RNF215: variants seen among roughly 807,000 people sequenced by gnomAD.
The protein encoded by RNF215 is ring finger protein 215.
RNF215 carries 41 observed loss-of-function variants against 44.8 expected under a neutral mutation model. That is an observed-to-expected ratio of 0.92 (90% CI 0.71 to 1.19). The LOEUF is 1.19. RNF215 is among the 50% of genes most tolerant of loss of function. RNF215 has a pLI of 0.00. For synonymous variants in RNF215, 218 were observed against 230.1 expected, an observed-to-expected ratio of 0.95 and a Z score of 0.48; for missense variants, 452 against 496.2, an observed-to-expected ratio of 0.91 and a Z score of 0.85.
rs748603346 is a variant in RNF215, at chr22:30,380,013, G to C, written c.1008+49C>G. The C allele has an allele frequency of 3.7e-6, 6 of 1,607,706 alleles. No individual in the cohort carries two copies. The Admixed American group carries it at 1.0e-4, about 27-fold the overall frequency. ...GTTCCAAGGTCCCAGGAGTAAGGTG[G>C]GAGGCATCACAGGTGAGCTGATGGC... is the stretch of plus-strand genomic sequence containing the variant. On this transcript the variant is annotated intron_variant, in intron 7 of 8. Coordinates refer to ENST00000382363, the MANE Select transcript of RNF215 (RefSeq NM_001017981.2). This position sits in a 1 kb window ranked among gnomAD's most constrained non-coding sequence, Gnocchi z 5.3.
At position 30,379,197 on chromosome 22, in the gene RNF215, C is replaced by G; in HGVS notation, c.*403G>C. On this transcript the variant is annotated 3_prime_UTR_variant, in exon 9 of 9. Coordinates refer to ENST00000382363, the MANE Select transcript of RNF215 (RefSeq NM_001017981.2). ...CAACCCACCCCCCAATAAATAAGCA[C>G]AAAACCTGGCCACTGTAGTCTCAGC... 4.4e-6 allele frequency: 1 copy of G among 227,288 alleles called. No homozygotes were observed. Among genetic ancestry groups the G allele is most frequent in the Non-Finnish European group, 8.8e-6 (1 of 113,024 alleles). 14.1% of individuals were successfully genotyped at this position (227,288 alleles called of 1,614,324 possible).
intron 4 of RNF215, 45 bp downstream of exon 4, chr22:30,385,858 TC>T (rs757898759): frequency 3.2e-6 from 5 of 1,566,674 alleles, no homozygotes; most frequent in Non-Finnish European, 4.4e-6. Flanking sequence ...AACCAGGGGC[TC>T]TCTGTACCCA....
At position 30,379,786 on chromosome 22, in the gene RNF215, C is replaced by T. The variant is rs1283407127; in HGVS notation, c.1036G>A (p.Glu346Lys). ...QWLRVLPCKH[E>K]FHRDCVDPWL... ...GGGTCCACACAGTCTCGGTGAAACT[C>T]GTGCTTACAGGGCAGCACCCGGAGC... Residue 346 changes from glutamate (E) to lysine (K), a missense_variant, in exon 8 of 9, where the codon GAG becomes AAG. Glu to Lys is a moderately conservative substitution (Grantham distance 56). Transcript: ENST00000382363. The T allele has an allele frequency of 1.9e-6, 3 of 1,570,242 alleles. No individual in the cohort carries two copies. Among genetic ancestry groups the T allele is most frequent in the Non-Finnish European group, 2.6e-6 (3 of 1,158,928 alleles).
chr22:30,386,117 C>A lies in RNF215; in HGVS notation c.454G>T (p.Ala152Ser). ...AGGATGAGAAGAAGCAGGGCAGAGG[C>A]ACCCAGGAAGAGGGCCCGCCGCATC... ...QQMRRALFLG[A>S]SALLLLILNH... The change falls in exon 3 of 9, where the codon GCC (alanine) becomes TCC (serine). Residue 152 changes from alanine to serine, a missense_variant. By Grantham distance (99) the Ala-to-Ser change is moderately conservative. Coordinates refer to ENST00000382363, the MANE Select transcript of RNF215 (RefSeq NM_001017981.2). 1 of 1,596,604 alleles carries A rather than the reference C, an allele frequency of 6.3e-7. No homozygotes were observed. Among genetic ancestry groups the A allele is most frequent in the Non-Finnish European group, 8.5e-7 (1 of 1,171,774 alleles).
chr22:30,384,555 C>T (rs1933570480), intron 4 of RNF215, 60 bp from the exon 5 acceptor site: 1 of 1,485,988 alleles, frequency 6.7e-7, no homozygotes, highest in Non-Finnish European at 9.3e-7. Flanking sequence ...GGCCCAGACC[C>T]ACCCACCCCA....
rs1398288459 is a variant in RNF215 at position 30,380,145 on chromosome 22, G to A, written c.925C>T (p.Arg309Trp). 1.1e-5 allele frequency: 17 copies of A among 1,613,866 alleles called. No homozygotes were observed. Among genetic ancestry groups the A allele is most frequent in the Non-Finnish European group, 1.4e-5 (16 of 1,179,972 alleles). ...AGGCCCTGCGCTGCCCTGCTCAGCC[G>A]GCAGCGCCGTGTCTTGAGGGATGCC... ...RLASLKTRRC[R>W]LSRAAQGLPD... Residue 309 changes from arginine to tryptophan, a missense_variant, in exon 7 of 9, where the codon CGG becomes TGG. Arg to Trp is a moderately radical substitution (Grantham distance 101). Transcript: ENST00000382363. This position sits in a 1 kb window ranked among gnomAD's most constrained non-coding sequence, Gnocchi z 5.3.
rs1277601222 is a variant in RNF215 at position 30,379,587 on chromosome 22, T to C, written c.*13A>G. On this transcript the variant is annotated 3_prime_UTR_variant, in exon 9 of 9. Transcript: ENST00000382363. ...GAAGGGTCCATCCCCATGTGCAGAG[T>C]CCAGCTGGGCAGCTAATCATCGGAG... 8 of 1,549,940 alleles carry C rather than the reference T, an allele frequency of 5.2e-6. No individual in the cohort carries two copies. The highest frequency in any genetic ancestry group is 7.0e-6 in the Non-Finnish European group (8 of 1,146,960).
intron 1 of RNF215, 36 bp from the exon 2 acceptor site, chr22:30,386,795 G>C: frequency 6.3e-7 from 1 of 1,586,620 alleles, no homozygotes; most frequent in Non-Finnish European, 8.5e-7. Context: ...AGGGAGGTAG[G>C]GTGTGGTGGG....
chr22:30,385,862 T>A, intron 4 of RNF215, 42 bp downstream of exon 4: 3 of 1,583,260 alleles, frequency 1.9e-6, no homozygotes, highest in Non-Finnish European at 2.6e-6. Context: ...AGGGGCTCTC[T>A]GTACCCAGGG....
chr22:30,387,398 C>A lies in RNF215; in HGVS notation c.-85G>T. The stretch of plus-strand genomic sequence containing the variant: ...CGGAGGGAGCGAGGCCGCTGCCGGA[C>A]GGGGCGGGGCGCCGGGAGGGGCGGG... On this transcript the variant is annotated 5_prime_UTR_variant, in exon 1 of 9. Coordinates refer to ENST00000382363, the MANE Select transcript of RNF215 (RefSeq NM_001017981.2). The A allele has an allele frequency of 1.3e-6, 1 of 775,360 alleles. No individual in the cohort carries two copies. Among genetic ancestry groups the A allele is most frequent in the Non-Finnish European group, 1.6e-6 (1 of 636,282 alleles). The allele number at this position is 775,360 out of a possible 1,614,324, so 48.0% of individuals were successfully genotyped here.
chr22:30,386,613 C>T lies in RNF215; in HGVS notation c.429+3G>A. 1.9e-6 allele frequency: 3 copies of T among 1,611,246 alleles called. No homozygotes were observed. The South Asian group carries it at 3.3e-5, about 18-fold the overall frequency. ...CCCCCTCCCCCATAGACATCCCCTG[C>T]ACCTGCTGGACCAGGGCCTTGGGAT... On this transcript the variant is annotated splice_donor_region_variant and intron_variant, in intron 2 of 8. Transcript: ENST00000382363.
Position 30,379,806 on chromosome 22 carries a change from C to T in RNF215, c.1016G>A (p.Arg339Gln), listed in dbSNP as rs1259663619. ...AAACTCGTGCTTACAGGGCAGCACC[C>T]GGAGCCACTACAGGGGTGGGGGAGG... ...LDYFCNKQWL[R>Q]VLPCKHEFHR... Residue 339 changes from arginine (R) to glutamine (Q), a missense_variant, in exon 8 of 9, where the codon CGG becomes CAG. Arg to Gln is a conservative substitution (Grantham distance 43, BLOSUM62 1). Coordinates refer to ENST00000382363, the MANE Select transcript of RNF215 (RefSeq NM_001017981.2). 8.3e-6 allele frequency: 13 copies of T among 1,570,900 alleles called. No homozygotes were observed. The highest frequency in any genetic ancestry group is 1.4e-5 in the African/African-American group (1 of 74,000).
chr22:30,383,342 C>T (rs1021369582), intron 5 of RNF215, among the ~76,000 whole-genome samples: 1 of 152,194 alleles, frequency 6.6e-6, no homozygotes, highest in Non-Finnish European at 1.5e-5. Flanking sequence ...CGCTCAGCCC[C>T]ACCCCAAGCC....
chr22:30,386,901 G>C, intron 1 of RNF215, 128 bp downstream of exon 1: 1 of 1,475,890 alleles, frequency 6.8e-7, no homozygotes, highest in South Asian at 1.3e-5. Context: ...GGGGCCTGGG[G>C]AGCCTGGGGA....
At chr22:30,386,810 G>T in intron 1 of RNF215, 51 bp from the exon 2 acceptor site, 1 of 1,570,088 alleles carries the variant, frequency 6.4e-7, no homozygotes, top group Non-Finnish European at 8.6e-7. Flanking sequence ...GGTGGGGGAG[G>T]GAGCCGGGGT....
intron 5 of RNF215, 125 bp downstream of exon 5, chr22:30,384,214 T>TG: frequency 9.5e-7 from 1 of 1,047,980 alleles, no homozygotes; most frequent in South Asian, 1.6e-5. Context: ...AGCACTCCTG[T>TG]GGGGTGGGAA....
At chr22:30,382,893 G>A (rs932683999) in intron 5 of RNF215, among the ~76,000 whole-genome samples, 1 of 152,158 alleles carries the variant, frequency 6.6e-6, no homozygotes, top group African/African-American at 2.4e-5. Flanking sequence ...CCTAAGCTCA[G>A]GAGTTCGAGA....
In RNF215 at chr22:30,386,349, A is replaced by G. The variant is rs999202714; in HGVS notation, c.430-208T>C. ...GCGCTGTGCCTTCCCCGGTCCTATC[A>G]GGGCAGTCCCAGCAGTGGTCGTCAG... On this transcript the variant is annotated intron_variant, in intron 2 of 8. Coordinates refer to ENST00000382363, the MANE Select transcript of RNF215 (RefSeq NM_001017981.2). 7.9e-5 allele frequency among the ~76,000 whole-genome samples: 12 copies of G among 152,242 alleles called. 1 individual carries two copies. The highest frequency in any genetic ancestry group is 2.6e-4 in the African/African-American group (11 of 41,526).
chr22:30,386,372 C>T (rs73390212), intron 2 of RNF215, among the ~76,000 whole-genome samples: 215 of 152,338 alleles, frequency 1.4e-3, no homozygotes, highest in African/African-American at 5.0e-3. Flanking sequence ...CAGTGGTCGT[C>T]AGCAGCAGCT....
Sources: allele counts gnomAD v4.1 joint callset (sites outside exome capture counted in the v4.1 genomes callset), GRCh38; gene constraint gnomAD v4.1.1; non-coding constraint Gnocchi (gnomAD v3.1); transcripts MANE v1.5; gene names NCBI Gene and HGNC (gene_info 2026-07-23, HGNC 2026-07-21).